The following SNAPC1 variants were observed in gnomAD, a reference collection of about 807,000 sequenced individuals.
SNAPC1 encodes the protein snRNA-activating protein complex subunit 1.
A neutral mutation model predicts 50.1 loss-of-function variants in SNAPC1; 42 were observed. The ratio of observed to expected loss-of-function variants is 0.84; its 90% CI spans 0.65 to 1.08. The LOEUF is 1.08. Ranked by LOEUF, SNAPC1 falls within the 50% of genes least tolerant of loss-of-function variation. The pLI is 0.00. For synonymous variants in SNAPC1, 164 were observed against 144.2 expected, an observed-to-expected ratio of 1.14 and a Z score of -0.98; for missense variants, 477 against 427.3, an observed-to-expected ratio of 1.12 and a Z score of -1.02.
intron 4 of SNAPC1, among the ~76,000 whole-genome samples, chr14:61,774,788 C>T (rs143264225): frequency 5.5e-4 from 83 of 151,732 alleles, no homozygotes; most frequent in African/African-American, 1.8e-3. Context: ...CTCAGCCTCC[C>T]GAGTAGCTGG....
At chr14:61,770,037 C>T (rs139707708) in intron 4 of SNAPC1, among the ~76,000 whole-genome samples, 1 of 152,226 alleles carries the variant, frequency 6.6e-6, no homozygotes, top group African/African-American at 2.4e-5. Flanking sequence ...TATTTTATTT[C>T]ATTCGGTTGT....
intron 8 of SNAPC1, among the ~76,000 whole-genome samples, chr14:61,786,160 G>T (rs1330106961): frequency 2.0e-5 from 3 of 152,122 alleles, no homozygotes; most frequent in Non-Finnish European, 2.9e-5. Flanking sequence ...ATGGATTATG[G>T]ACCTAAATTT....
At chr14:61,763,939 TA>T (rs1566586150) in intron 1 of SNAPC1, among the ~76,000 whole-genome samples, 1 of 152,170 alleles carries the variant, frequency 6.6e-6, no homozygotes. Context: ...TCATTATTAT[TA>T]TTTTTTTTTC....
chr14:61,790,559 A>T (rs1019996711), intron 8 of SNAPC1, among the ~76,000 whole-genome samples: 1 of 152,108 alleles, frequency 6.6e-6, no homozygotes, highest in African/African-American at 2.4e-5. Context: ...TTGGTCTCGA[A>T]CTCCTGACGT....
chr14:61,794,626 T>C (rs1185560776), intron 9 of SNAPC1, among the ~76,000 whole-genome samples: 2 of 152,180 alleles, frequency 1.3e-5, no homozygotes, highest in African/African-American at 4.8e-5. Context: ...GCCAGGATGG[T>C]CTCGATCCCC....
At chr14:61,774,394 G>C (rs866993789) in intron 4 of SNAPC1, among the ~76,000 whole-genome samples, 51 of 152,092 alleles carry the variant, frequency 3.4e-4, no homozygotes, top group Admixed American at 3.1e-3. Context: ...TGTTCATTTT[G>C]TACAAATGCG....
At chr14:61,783,576 C>A (rs899045163) in intron 8 of SNAPC1, among the ~76,000 whole-genome samples, 1 of 124,504 alleles carries the variant, frequency 8.0e-6, no homozygotes, top group Non-Finnish European at 1.6e-5. Flanking sequence ...TGCTGTGTTG[C>A]CCAGGCTGAA....
chr14:61,772,443 G>A (rs1470651772), intron 4 of SNAPC1, among the ~76,000 whole-genome samples: 1 of 152,144 alleles, frequency 6.6e-6, no homozygotes, highest in Non-Finnish European at 1.5e-5. Flanking sequence ...CAGGGTTTCG[G>A]CATCTTGGCC....
rs531848054 is a variant in SNAPC1, at chr14:61,783,201, A to AT, written c.976+813dup. 1.5e-3 allele frequency among the ~76,000 whole-genome samples: 213 copies of AT among 146,596 alleles called. 7 individuals are homozygous for AT. In the South Asian group the frequency reaches 0.036, roughly 25 times the overall value. On this transcript the variant is annotated intron_variant, in intron 8 of 9. Coordinates refer to ENST00000216294, the MANE Select transcript of SNAPC1 (RefSeq NM_003082.4). ...CCATACCCAGCTAATTTTTTTTTGTATTTTTTTTTAGTAGAGATGGGGTTT... is the reference window on the plus strand; with the variant it reads ...CCATACCCAGCTAATTTTTTTTTGTATTTTTTTTTTAGTAGAGATGGGGTTT...
chr14:61,781,450 C>CAAAA (rs769588943), intron 7 of SNAPC1, among the ~76,000 whole-genome samples: 44 of 63,616 alleles, frequency 6.9e-4, no homozygotes, highest in Admixed American at 3.2e-3. Flanking sequence ...ACTCCATCTC[C>CAAAA]AAAAAAAAAA....
At chr14:61,765,096 G>A (rs1040673755) in intron 1 of SNAPC1, among the ~76,000 whole-genome samples, 16 of 151,988 alleles carry the variant, frequency 1.1e-4, no homozygotes, top group African/African-American at 3.4e-4. Flanking sequence ...ACTAATTTCA[G>A]GTCTTACATA....
intron 7 of SNAPC1, among the ~76,000 whole-genome samples, chr14:61,781,450 C>CAAAAA (rs769588943): frequency 1.6e-5 from 1 of 63,608 alleles, no homozygotes; most frequent in Admixed American, 1.7e-4. Flanking sequence ...ACTCCATCTC[C>CAAAAA]AAAAAAAAAA....
At chr14:61,765,276 T>C (rs1033655815) in intron 1 of SNAPC1, among the ~76,000 whole-genome samples, 38 of 152,158 alleles carry the variant, frequency 2.5e-4, no homozygotes, top group Admixed American at 2.0e-3. Flanking sequence ...ACAGAAAATA[T>C]ATGTGAACCT....
intron 8 of SNAPC1, among the ~76,000 whole-genome samples, chr14:61,792,174 TA>T (rs1274161240): frequency 6.6e-6 from 1 of 151,318 alleles, no homozygotes; most frequent in Non-Finnish European, 1.5e-5. Flanking sequence ...AAAAACAGCA[TA>T]AAAAATAGTC....
At chr14:61,782,601 G>T (rs889637512) in intron 8 of SNAPC1, among the ~76,000 whole-genome samples, 1 of 152,102 alleles carries the variant, frequency 6.6e-6, no homozygotes, top group African/African-American at 2.4e-5. Context: ...CAAATGTATC[G>T]TTTTATAGAT....
chr14:61,769,484 G>A (rs1368379074), intron 4 of SNAPC1, among the ~76,000 whole-genome samples: 25 of 135,010 alleles, frequency 1.9e-4, no homozygotes, highest in Admixed American at 1.8e-3. Flanking sequence ...TGTAACCTCC[G>A]CCTCCCAGGT....
At chr14:61,773,001 G>A (rs1416959387) in intron 4 of SNAPC1, among the ~76,000 whole-genome samples, 1 of 152,114 alleles carries the variant, frequency 6.6e-6, no homozygotes, top group Admixed American at 6.5e-5. Context: ...TTTTGTCCTA[G>A]CATAGCCTGT....
intron 6 of SNAPC1, among the ~76,000 whole-genome samples, 153 bp downstream of exon 6, chr14:61,778,293 G>C (rs1167966167): frequency 1.3e-5 from 2 of 152,214 alleles, no homozygotes; most frequent in Non-Finnish European, 2.9e-5. Context: ...GCCTTGTGGA[G>C]GCCACATCAG....
In SNAPC1 at chr14:61,776,104, A is replaced by C; in HGVS notation, c.544A>C (p.Asn182His). The C allele has an allele frequency of 6.3e-7, 1 of 1,582,360 alleles. No homozygotes were observed. The highest frequency in any genetic ancestry group is 2.3e-5 in the East Asian group (1 of 44,046). Reference sequence around the variant, plus strand: ...ATCTTTTTGCTTTTAGGAAATGCTGAATGTTCATGATCATTATCAGAACAT... The same window carrying C: ...ATCTTTTTGCTTTTAGGAAATGCTGCATGTTCATGATCATTATCAGAACAT... ...ITSDVLEEMLNVHDHYQNMKH... is the reference protein window; with the variant it reads ...ITSDVLEEMLHVHDHYQNMKH... Residue 182 changes from asparagine to histidine, a missense_variant, in exon 5 of 10, where the codon AAT (asparagine) becomes CAT (histidine). By Grantham distance (68) the Asn-to-His change is moderately conservative. Transcript: ENST00000216294.
Sources: gnomAD v4.1 joint callset for allele counts (sites outside exome capture counted in the v4.1 genomes callset) on GRCh38, gnomAD v4.1.1 for gene constraint, MANE v1.5 for transcripts, NCBI Gene and HGNC (gene_info 2026-07-23, HGNC 2026-07-21) for gene names.